The following PLXNA4 variants were observed in gnomAD, a reference collection of about 807,000 sequenced individuals.
The protein encoded by PLXNA4 is plexin-A4.
Under a neutral mutation model 191.8 loss-of-function variants are expected in PLXNA4, and 44 were observed. That is an observed-to-expected ratio of 0.23 (90% CI 0.18 to 0.29). The LOEUF is 0.29. Among genes scored for constraint, PLXNA4 ranks in the 10% least tolerant of loss-of-function variants. The pLI is 1.00. For synonymous variants in PLXNA4, 1,082 were observed against 1,009.5 expected (o/e 1.07, Z -1.36); for missense variants, 1,800 against 2,488.8 (o/e 0.72, Z 5.89).
chr7:132,423,715 A>G (rs776456254), intron 3 of PLXNA4, among the ~76,000 whole-genome samples: 3 of 151,572 alleles, frequency 2.0e-5, no homozygotes, highest in Admixed American at 6.6e-5. Context: ...CTGGAATTCT[A>G]CTCCTCCCTG....
At chr7:132,526,001 C>G (rs1230228474) in intron 1 of PLXNA4, among the ~76,000 whole-genome samples, 1 of 152,228 alleles carries the variant, frequency 6.6e-6, no homozygotes, top group African/African-American at 2.4e-5. Context: ...TTCCATGGTA[C>G]ACACCTTGGG....
At chr7:132,360,986 G>A (rs1156289767) in intron 3 of PLXNA4, among the ~76,000 whole-genome samples, 1 of 152,232 alleles carries the variant, frequency 6.6e-6, no homozygotes, top group East Asian at 1.9e-4. Context: ...ATGGAGCAAA[G>A]AGATGAGTAA....
intron 4 of PLXNA4, among the ~76,000 whole-genome samples, chr7:132,251,308 C>T (rs931882717): frequency 1.3e-5 from 2 of 152,132 alleles, no homozygotes; most frequent in African/African-American, 4.8e-5. Context: ...ATGACACAGA[C>T]AAAGACTATG....
At chr7:132,555,964 C>G (rs540622532) in intron 1 of PLXNA4, among the ~76,000 whole-genome samples, 1 of 152,344 alleles carries the variant, frequency 6.6e-6, no homozygotes, top group Admixed American at 6.5e-5. Context: ...GCATCTCTGC[C>G]CTTTGGGCAC....
At chr7:132,327,173 A>AAAAAAAAAAAAG (rs373719875) in intron 3 of PLXNA4, among the ~76,000 whole-genome samples, 13 of 133,858 alleles carry the variant, frequency 9.7e-5, no homozygotes, top group African/African-American at 3.0e-4. Flanking sequence ...GGAAGGCAAA[A>AAAAAAAAAAAAG]AAAAAAGAAA....
chr7:132,494,106 G>A (rs753480836), intron 2 of PLXNA4, among the ~76,000 whole-genome samples: 2 of 152,112 alleles, frequency 1.3e-5, no homozygotes, highest in Non-Finnish European at 2.9e-5. Context: ...TGACCTCTGC[G>A]GTTCTCAGCA....
intron 4 of PLXNA4, among the ~76,000 whole-genome samples, chr7:132,247,820 C>T (rs546311295): frequency 6.6e-6 from 1 of 152,322 alleles, no homozygotes; most frequent in African/African-American, 2.4e-5. Flanking sequence ...TTTCAAGTCA[C>T]TCCACATGCC....
At chr7:132,397,156 G>A (rs1240648066) in intron 3 of PLXNA4, among the ~76,000 whole-genome samples, 2 of 152,254 alleles carry the variant, frequency 1.3e-5, no homozygotes, top group Admixed American at 1.3e-4. Flanking sequence ...GAAGATAAAA[G>A]CGCAGGAACC....
At chr7:132,244,175 G>A (rs950274009) in intron 4 of PLXNA4, among the ~76,000 whole-genome samples, 1 of 152,140 alleles carries the variant, frequency 6.6e-6, no homozygotes, top group Non-Finnish European at 1.5e-5. Flanking sequence ...GGTAAACTTG[G>A]ACAAGTCTCT....
Position 132,405,831 on chromosome 7 carries a change from TACTC to T in PLXNA4, c.1371+83457_1371+83460del, listed in dbSNP as rs1451882155. Among the ~76,000 whole-genome samples, 8 of 152,342 alleles carry T rather than the reference TACTC, an allele frequency of 5.3e-5. No homozygotes were observed. The East Asian group carries it at 9.6e-4, about 18-fold the overall frequency. On this transcript the variant is annotated intron_variant, in intron 3 of 31. Coordinates refer to ENST00000321063, the MANE Select transcript of PLXNA4 (RefSeq NM_020911.2). Reference sequence around the variant, plus strand: ...CGCTGGAGGCCTACCCAGGAAATCTTACTCACATTGAAAACCAGGATGAAACCCA... The same window carrying T: ...CGCTGGAGGCCTACCCAGGAAATCTTACATTGAAAACCAGGATGAAACCCA...
chr7:132,301,693 C>T (rs908396988), intron 3 of PLXNA4, among the ~76,000 whole-genome samples: 1 of 152,198 alleles, frequency 6.6e-6, no homozygotes, highest in Non-Finnish European at 1.5e-5. Flanking sequence ...AAGCATCACC[C>T]CAGGGGTGCT....
chr7:132,223,810 T>G (rs1182957685), intron 8 of PLXNA4, among the ~76,000 whole-genome samples, 169 bp from the exon 9 acceptor site: 3 of 152,102 alleles, frequency 2.0e-5, no homozygotes, highest in Non-Finnish European at 4.4e-5. Context: ...CCCCAAGACC[T>G]CAGGAAGCTA....
chr7:132,270,128 C>T (rs2116320634), intron 4 of PLXNA4, among the ~76,000 whole-genome samples: 1 of 152,264 alleles, frequency 6.6e-6, no homozygotes, highest in Non-Finnish European at 1.5e-5. Flanking sequence ...GGACATAGCC[C>T]TACCTACAGT....
At chr7:132,436,250 A>G (rs1342500656) in intron 3 of PLXNA4, among the ~76,000 whole-genome samples, 1 of 152,228 alleles carries the variant, frequency 6.6e-6, no homozygotes, top group Non-Finnish European at 1.5e-5. Context: ...ATGACATATG[A>G]CATGCTGCAC....
chr7:132,560,806 C>A (rs1171554019), intron 1 of PLXNA4, among the ~76,000 whole-genome samples: 1 of 152,112 alleles, frequency 6.6e-6, no homozygotes, highest in East Asian at 1.9e-4. Flanking sequence ...TTCCTTGCTG[C>A]CCACCACCTT....
intron 3 of PLXNA4, among the ~76,000 whole-genome samples, chr7:132,478,169 A>AAC (rs4038762): frequency 0.014 from 2,098 of 152,298 alleles, 45 homozygotes; most frequent in African/African-American, 0.048. Context: ...GGCATAAGCC[A>AAC]ACACTGCCTA....
At chr7:132,504,796 C>T (rs546280475) in intron 2 of PLXNA4, among the ~76,000 whole-genome samples, 1 of 152,196 alleles carries the variant, frequency 6.6e-6, no homozygotes, top group South Asian at 2.1e-4. Context: ...CTTGTTCATC[C>T]TCCACCTCTA....
At chr7:132,311,618 C>T (rs145946085) in intron 3 of PLXNA4, among the ~76,000 whole-genome samples, 1,978 of 152,294 alleles carry the variant, frequency 0.013, 22 homozygotes, top group South Asian at 0.031. Context: ...GTGGGCCTCA[C>T]TCAGGGCTAT....
intron 1 of PLXNA4, among the ~76,000 whole-genome samples, chr7:132,540,669 G>A (rs899836499): frequency 3.7e-5 from 5 of 134,124 alleles, no homozygotes; most frequent in Non-Finnish European, 6.2e-5. Context: ...CTCACTGCAA[G>A]CTCCGCTTCC....
Sources: allele counts gnomAD v4.1 joint callset (sites outside exome capture counted in the v4.1 genomes callset), GRCh38; gene constraint gnomAD v4.1.1; transcripts MANE v1.5; gene names NCBI Gene and HGNC (gene_info 2026-07-23, HGNC 2026-07-21).